Variants in ANP32E observed in about 807,000 individuals in gnomAD.
ANP32E encodes acidic nuclear phosphoprotein 32 family member E, also known as acidic leucine-rich nuclear phosphoprotein 32 family member E.
A neutral mutation model predicts 35.3 loss-of-function variants in ANP32E; 14 were observed. That is an observed-to-expected ratio of 0.40 (90% confidence interval 0.26 to 0.62). ANP32E has a LOEUF of 0.62. Ranked by LOEUF, ANP32E falls within the 20% of genes least tolerant of loss-of-function variation. The probability of loss-of-function intolerance (pLI) is 0.45; values close to 1 mark genes in which losing one functional copy is unlikely to be tolerated. For missense variants in ANP32E, 198 were observed against 304.4 expected (o/e 0.65, Z 2.60); for synonymous variants, 89 against 110.4 (o/e 0.81, Z 1.22).
intron 6 of ANP32E, among the ~76,000 whole-genome samples, chr1:150,222,343 C>T (rs1553838364): frequency 1.3e-5 from 2 of 151,400 alleles, no homozygotes; most frequent in African/African-American, 2.4e-5. Flanking sequence ...GGCGTGAACC[C>T]GGGAGGCAGA....
chr1:150,221,604 G>GGGAA (rs1330142808), intron 6 of ANP32E, among the ~76,000 whole-genome samples: 2 of 36,896 alleles, frequency 5.4e-5, no homozygotes, highest in African/African-American at 1.8e-4. Flanking sequence ...GAGGGAGGGA[G>GGGAA]GGAAGGAAGG....
chr1:150,223,439 G>C (rs1553838752), intron 5 of ANP32E, 199 bp from the exon 6 acceptor site: 1 of 566,688 alleles, frequency 1.8e-6, no homozygotes, highest in African/African-American at 1.9e-5. Context: ...CCAGTACTTT[G>C]GGAGGCCAAG....
rs1382897840 is a variant in ANP32E at position 150,218,596 on chromosome 1, C to A, written c.*2095G>T. The A allele has an allele frequency of 6.5e-6, 1 of 152,674 alleles. No homozygotes were observed. Among genetic ancestry groups the A allele is most frequent in the Non-Finnish European group, 1.5e-5 (1 of 68,004 alleles). 9.5% of individuals were successfully genotyped at this position (152,674 alleles called of 1,614,324 possible). A position where few individuals can be genotyped will look rare whatever the true frequency, so the allele number is the denominator to read the frequency against. On this transcript the variant is annotated 3_prime_UTR_variant, in exon 7 of 7. Coordinates refer to ENST00000583931, the MANE Select transcript of ANP32E (RefSeq NM_030920.5). ...TGGCTTTATTCAAAACACAGTTGCA[C>A]AAAAGTATTAACTTCAAAGTTTTTA...
At chr1:150,226,084 CA>C (rs1219493778) in intron 5 of ANP32E, among the ~76,000 whole-genome samples, 1 of 149,648 alleles carries the variant, frequency 6.7e-6, no homozygotes, top group African/African-American at 2.5e-5. Flanking sequence ...CAGCTCACTG[CA>C]ATCTCCGCCT....
chr1:150,234,319 G>A (rs1327843102), intron 1 of ANP32E, among the ~76,000 whole-genome samples: 1 of 150,778 alleles, frequency 6.6e-6, no homozygotes, highest in Non-Finnish European at 1.5e-5. Context: ...TTTTCCTGAA[G>A]CCTCTAAGAA....
At chr1:150,227,940 C>T (rs1553840559) in intron 4 of ANP32E, among the ~76,000 whole-genome samples, 2 of 151,050 alleles carry the variant, frequency 1.3e-5, no homozygotes, top group Non-Finnish European at 2.9e-5. Context: ...ATTTTTCATC[C>T]CTCAAAAAGA....
intron 1 of ANP32E, 141 bp from the exon 2 acceptor site, chr1:150,232,067 G>A (rs12401456): frequency 0.16 from 134,735 of 824,310 alleles, 12,717 homozygotes; most frequent in South Asian, 0.31. Flanking sequence ...AAATACGGCC[G>A]GGCGCGGTGG....
At chr1:150,230,441 T>C (rs1379137785) in intron 3 of ANP32E, 130 bp downstream of exon 3, 2 of 758,032 alleles carry the variant, frequency 2.6e-6, no homozygotes, top group African/African-American at 3.6e-5. Context: ...ACAAAAGCAG[T>C]AACTGCCTAG....
At chr1:150,222,409 A>T (rs1648492970) in intron 6 of ANP32E, among the ~76,000 whole-genome samples, 1 of 97,346 alleles carries the variant, frequency 1.0e-5, no homozygotes, top group Non-Finnish European at 2.0e-5. Context: ...ACAGAGCGAG[A>T]CTCCATCTCA....
In ANP32E at chr1:150,218,914, G is replaced by A. The variant is rs181404714; in HGVS notation, c.*1777C>T. ...TCTGGCATAGTATGTAATGAGAATTGTTAGGAACTAGAACAGGGAATTTCA... is the reference window on the plus strand; with the variant it reads ...TCTGGCATAGTATGTAATGAGAATTATTAGGAACTAGAACAGGGAATTTCA... On this transcript the variant is annotated 3_prime_UTR_variant, in exon 7 of 7. Coordinates refer to ENST00000583931, the MANE Select transcript of ANP32E (RefSeq NM_030920.5). The A allele has an allele frequency of 5.6e-4, 85 of 152,702 alleles. No homozygotes were observed. Among genetic ancestry groups the A allele is most frequent in the African/African-American group, 1.5e-3 (63 of 41,576 alleles). 9.5% of individuals were successfully genotyped at this position (152,702 alleles called of 1,614,324 possible).
Position 150,229,080 on chromosome 1 carries a change from T to A in ANP32E, c.485A>T (p.Asp162Val), listed in dbSNP as rs1649125673. 6.2e-7 allele frequency: 1 copy of A among 1,613,058 alleles called. No homozygotes were observed. Among genetic ancestry groups the A allele is most frequent in the Non-Finnish European group, 8.5e-7 (1 of 1,179,718 alleles). ...GTATTAAGAACGATTACCCTCATCA[T>A]CCTCCTCTTCAGAGTCCGGCGCTTC... ...DNEAPDSEEEDDEDGDEDDEE... is the reference protein window; with the variant it reads ...DNEAPDSEEEVDEDGDEDDEE... The change falls in exon 4 of 7, where the codon GAT becomes GTT. Residue 162 changes from aspartate to valine, a missense_variant. This residue lies in a region of ANP32E where 121 missense variants were observed against 137.3 expected (regional missense o/e 0.88). Coordinates refer to ENST00000583931, the MANE Select transcript of ANP32E (RefSeq NM_030920.5).
At position 150,227,441 on chromosome 1, in the gene ANP32E, T is replaced by C. The variant is rs1046720305; in HGVS notation, c.494-646A>G. Reference sequence around the variant, plus strand: ...ATAAAGAAAGAATGAAATCATGTCCTTTGCAGCAACATAGATGCAGCTGGG... The same window carrying C: ...ATAAAGAAAGAATGAAATCATGTCCCTTGCAGCAACATAGATGCAGCTGGG... On this transcript the variant is annotated intron_variant, in intron 4 of 6. Transcript: ENST00000583931. Among the ~76,000 whole-genome samples, 8 of 152,104 alleles carry C rather than the reference T, an allele frequency of 5.3e-5. No homozygotes were observed. In the South Asian group the frequency reaches 1.2e-3, roughly 24 times the overall value.
At chr1:150,220,906 G>A in intron 6 of ANP32E, 145 bp from the exon 7 acceptor site, 1 of 648,854 alleles carries the variant, frequency 1.5e-6, no homozygotes, top group Non-Finnish European at 2.7e-6. Flanking sequence ...AGGCTGAGGT[G>A]GATGGATCAC....
At chr1:150,234,286 G>A (rs1197225116) in intron 1 of ANP32E, among the ~76,000 whole-genome samples, 1 of 59,948 alleles carries the variant, frequency 1.7e-5, no homozygotes, top group East Asian at 4.9e-4. Context: ...AGCTTTTAAA[G>A]TTTGATTTTG....
chr1:150,233,478 T>A (rs1649539735), intron 1 of ANP32E, among the ~76,000 whole-genome samples: 1 of 152,060 alleles, frequency 6.6e-6, no homozygotes, highest in African/African-American at 2.4e-5. Flanking sequence ...CCCAGAACAA[T>A]ACATTCTTAA....
In ANP32E at chr1:150,230,676, A is replaced by G. The variant is rs1553841474; in HGVS notation, c.222T>C (p.Asn74=). 6.2e-7 allele frequency: 1 copy of G among 1,613,170 alleles called. No homozygotes were observed. The highest frequency in any genetic ancestry group is 8.5e-7 in the Non-Finnish European group (1 of 1,179,610). ...GGACTTCCAAGCCTCCAGAAATTATATTATCACTAAGCTCCAACTATACAT... is the reference window on the plus strand; with the variant it reads ...GGACTTCCAAGCCTCCAGAAATTATGTTATCACTAAGCTCCAACTATACAT... ...NKLRKLELSD[N]IISGGLEVLA... The change falls in exon 3 of 7, where the codon AAT becomes AAC. Residue 74 remains asparagine, a synonymous_variant. Coordinates refer to ENST00000583931, the MANE Select transcript of ANP32E (RefSeq NM_030920.5).
rs1209866751 is a variant in ANP32E at position 150,235,883 on chromosome 1, G to T, written c.-97C>A. The T allele has an allele frequency of 9.6e-6, 8 of 836,280 alleles. No homozygotes were observed. Among genetic ancestry groups the T allele is most frequent in the Admixed American group, 2.3e-5 (1 of 43,598 alleles). 51.8% of individuals were successfully genotyped at this position (836,280 alleles called of 1,614,324 possible). On this transcript the variant is annotated 5_prime_UTR_variant, in exon 1 of 7. Transcript: ENST00000583931. The surrounding 1 kb of genome is among the most constrained non-coding windows in gnomAD (Gnocchi z 4.2). ...ATTTTTAAGAGATTTAGAAATGAAT[G>T]AAAAGGAACGCAAATATAAACGCCC...
chr1:150,220,576 C>G lies in ANP32E; in HGVS notation c.*115G>C. On this transcript the variant is annotated 3_prime_UTR_variant, in exon 7 of 7. Transcript: ENST00000583931. ...CAAAAATAGTAAAACCACACTTTTCCTATAAAAAGTTACACATTATCTTCT... is the reference window on the plus strand; with the variant it reads ...CAAAAATAGTAAAACCACACTTTTCGTATAAAAAGTTACACATTATCTTCT... The G allele has an allele frequency of 1.0e-6, 1 of 965,386 alleles. No homozygotes were observed. Among genetic ancestry groups the G allele is most frequent in the East Asian group, 2.5e-5 (1 of 39,276 alleles). The allele number at this position is 965,386 out of a possible 1,614,324, so 59.8% of individuals were successfully genotyped here.
intron 5 of ANP32E, among the ~76,000 whole-genome samples, chr1:150,224,529 G>A (rs4926392): frequency 0.019 from 2,935 of 151,364 alleles, 58 homozygotes; most frequent in East Asian, 0.059. Flanking sequence ...AACCGAGATC[G>A]CACCACCCAC....
Sources: allele counts gnomAD v4.1 joint callset (sites outside exome capture counted in the v4.1 genomes callset), GRCh38; gene constraint gnomAD v4.1.1; regional missense constraint gnomAD v4.1.1; non-coding constraint Gnocchi (gnomAD v3.1); transcripts MANE v1.5; gene names NCBI Gene and HGNC (gene_info 2026-07-23, HGNC 2026-07-21).